Variants in ERBB4 observed in about 807,000 individuals in gnomAD.
The protein encoded by ERBB4 is receptor tyrosine-protein kinase erbB-4.
Under a neutral mutation model 158.0 loss-of-function variants are expected in ERBB4, and 42 were observed. The observed-to-expected ratio is 0.27, with a 90% CI of 0.21 to 0.34. The LOEUF (loss-of-function observed/expected upper bound fraction) is 0.34. ERBB4 is among the 10% of genes least tolerant of loss of function. The probability of loss-of-function intolerance (pLI) is 1.00; values close to 1 mark genes in which losing one functional copy is unlikely to be tolerated. For synonymous variants in ERBB4, 583 were observed against 558.7 expected (o/e 1.04, Z -0.61); for missense variants, 1,333 against 1,624.1 (o/e 0.82, Z 3.08).
chr2:212,329,233 A>G (rs2088009843), intron 1 of ERBB4, among the ~76,000 whole-genome samples: 1 of 151,948 alleles, frequency 6.6e-6, no homozygotes, highest in Admixed American at 6.6e-5. Flanking sequence ...TAAAAAGAAG[A>G]GAGGAAGAAA....
chr2:212,054,041 C>T (rs1168593324), intron 2 of ERBB4, among the ~76,000 whole-genome samples: 2 of 152,212 alleles, frequency 1.3e-5, no homozygotes, highest in Middle Eastern at 3.4e-3. Flanking sequence ...GTGGCGTCTA[C>T]AGAAAAAGCT....
intron 15 of ERBB4, among the ~76,000 whole-genome samples, chr2:211,664,192 G>T (rs2071532720): frequency 6.6e-6 from 1 of 152,062 alleles, no homozygotes; most frequent in South Asian, 2.1e-4. Flanking sequence ...TGTTTTCTTG[G>T]CAGGAAATGA....
intron 1 of ERBB4, among the ~76,000 whole-genome samples, chr2:212,404,691 T>TA (rs901321476): frequency 6.6e-6 from 1 of 151,988 alleles, no homozygotes; most frequent in Admixed American, 6.6e-5. Flanking sequence ...TGTGAAGGTT[T>TA]GTTACATAAG....
At chr2:211,422,742 A>G (rs986752456) in intron 23 of ERBB4, among the ~76,000 whole-genome samples, 1 of 151,946 alleles carries the variant, frequency 6.6e-6, no homozygotes, top group African/African-American at 2.4e-5. Context: ...CTTCTTAGGT[A>G]TTAAAACCCC....
chr2:211,400,551 A>G (rs1270682232), intron 25 of ERBB4, among the ~76,000 whole-genome samples: 2 of 152,060 alleles, frequency 1.3e-5, no homozygotes, highest in Non-Finnish European at 2.9e-5. Flanking sequence ...ATGTTCTCAC[A>G]TATCTGTGGG....
At chr2:212,069,997 T>G (rs2078064821) in intron 2 of ERBB4, among the ~76,000 whole-genome samples, 1 of 151,650 alleles carries the variant, frequency 6.6e-6, no homozygotes, top group Non-Finnish European at 1.5e-5. Flanking sequence ...GGCATGTGTC[T>G]GTAGTCTAGC....
intron 1 of ERBB4, among the ~76,000 whole-genome samples, chr2:212,238,685 G>C (rs1042732314): frequency 2.2e-4 from 33 of 152,058 alleles, no homozygotes; most frequent in Non-Finnish European, 4.3e-4. Context: ...TTTCAAATGA[G>C]TCTCAGAACC....
chr2:211,612,897 T>G (rs375039947), intron 19 of ERBB4, among the ~76,000 whole-genome samples: 22 of 152,104 alleles, frequency 1.4e-4, no homozygotes, highest in East Asian at 5.8e-4. Context: ...AGGTTGGTTG[T>G]TTGTGGGGTT....
intron 1 of ERBB4, among the ~76,000 whole-genome samples, chr2:212,255,527 C>G (rs904875269): frequency 3.3e-5 from 5 of 152,114 alleles, no homozygotes; most frequent in African/African-American, 1.2e-4. Flanking sequence ...GTAAGAGGTA[C>G]AGGTTTAGTG....
chr2:212,224,838 A>T (rs10196424), intron 1 of ERBB4, among the ~76,000 whole-genome samples: 58,090 of 151,830 alleles, frequency 0.38, 12,935 homozygotes, highest in East Asian at 0.76. Context: ...AGTTTTTTTT[A>T]AATTTGAAAT....
intron 19 of ERBB4, among the ~76,000 whole-genome samples, chr2:211,592,910 C>T (rs757820320): frequency 1.3e-5 from 2 of 152,006 alleles, no homozygotes; most frequent in Non-Finnish European, 1.5e-5. Context: ...ACTTGGGAGG[C>T]TGAGGCAGGA....
intron 1 of ERBB4, among the ~76,000 whole-genome samples, chr2:212,286,603 T>TTTTTGTTTTG (rs1341644036): frequency 4.6e-4 from 59 of 128,758 alleles, no homozygotes; most frequent in East Asian, 8.8e-4. Context: ...ACTTTTTTTT[T>TTTTTGTTTTG]TTTTTTTTTT....
chr2:212,171,971 G>A (rs1575744014), intron 1 of ERBB4, among the ~76,000 whole-genome samples: 1 of 152,128 alleles, frequency 6.6e-6, no homozygotes. Flanking sequence ...ACTATCAACA[G>A]ATTAAACAGC....
At chr2:211,951,732 A>G (rs2080881055) in intron 2 of ERBB4, among the ~76,000 whole-genome samples, 1 of 152,088 alleles carries the variant, frequency 6.6e-6, no homozygotes, top group Admixed American at 6.6e-5. Flanking sequence ...CTAGTGTCCA[A>G]AATAAGTCTC....
At chr2:211,743,175 T>A (rs188937636) in intron 5 of ERBB4, among the ~76,000 whole-genome samples, 1 of 151,486 alleles carries the variant, frequency 6.6e-6, no homozygotes, top group African/African-American at 2.5e-5. Context: ...TTCAATCAGC[T>A]TATCAGCAAG....
intron 7 of ERBB4, among the ~76,000 whole-genome samples, chr2:211,717,568 G>A (rs985489735): frequency 1.3e-5 from 2 of 152,042 alleles, no homozygotes; most frequent in Non-Finnish European, 2.9e-5. Context: ...GGTGGCTCAC[G>A]CCTGTAATCC....
intron 2 of ERBB4, among the ~76,000 whole-genome samples, chr2:212,052,049 T>C (rs1285233674): frequency 6.6e-6 from 1 of 152,118 alleles, no homozygotes; most frequent in Non-Finnish European, 1.5e-5. Flanking sequence ...CCAAAGGAGA[T>C]TAACATTTGA....
At chr2:211,680,745 A>C (rs1369565306) in intron 12 of ERBB4, among the ~76,000 whole-genome samples, 3 of 152,130 alleles carry the variant, frequency 2.0e-5, no homozygotes, top group African/African-American at 7.2e-5. Flanking sequence ...CTGTGTAAAA[A>C]TTTTTTAAAG....
At chr2:212,262,961 T>C (rs1236053452) in intron 1 of ERBB4, among the ~76,000 whole-genome samples, 2 of 152,160 alleles carry the variant, frequency 1.3e-5, no homozygotes, top group Admixed American at 1.3e-4. Flanking sequence ...CTCAAATTCA[T>C]TTGACCTTAT....
Sources: gnomAD v4.1 joint callset for allele counts (sites outside exome capture counted in the v4.1 genomes callset) on GRCh38, gnomAD v4.1.1 for gene constraint, MANE v1.5 for transcripts, NCBI Gene and HGNC (gene_info 2026-07-23, HGNC 2026-07-21) for gene names.